POLR2F: variants seen among roughly 807,000 people sequenced by gnomAD.
POLR2F encodes RNA polymerase II, I and III subunit F.
Under a neutral mutation model 22.7 loss-of-function variants are expected in POLR2F, and 12 were observed. The ratio of observed to expected loss-of-function variants is 0.53; its 90% CI spans 0.34 to 0.86. The LOEUF (loss-of-function observed/expected upper bound fraction) is 0.86, where lower values mean the gene tolerates loss of function less well. Ranked by LOEUF, POLR2F falls within the 40% of genes least tolerant of loss-of-function variation. The probability of loss-of-function intolerance (pLI) is 0.02; values close to 1 mark genes in which losing one functional copy is unlikely to be tolerated. For missense variants in POLR2F, 126 were observed against 171.5 expected (o/e 0.73, Z 1.48); for synonymous variants, 57 against 66.0 (o/e 0.86, Z 0.66).
chr22:37,986,340 T>G lies in POLR2F; in HGVS notation c.120+28T>G. On this transcript the variant is annotated intron_variant, in intron 1 of 2. Transcript: ENST00000333418. The surrounding 1 kb of genome is among the most constrained non-coding windows in gnomAD (Gnocchi z 4.7). The stretch of plus-strand genomic sequence containing the variant: ...GGGTCCCCACTCATCCTTCCACCCC[T>G]CAGTTCCTCCTCTTTGAGGAAAGGA... The G allele has an allele frequency of 6.5e-7, 1 of 1,531,722 alleles. No homozygotes were observed. Among genetic ancestry groups the G allele is most frequent in the East Asian group, 2.4e-5 (1 of 40,832 alleles). The allele number at this position is 1,531,722 out of a possible 1,614,324, so 94.9% of individuals were successfully genotyped here.
intron 1 of POLR2F, among the ~76,000 whole-genome samples, chr22:37,992,036 A>G (rs144475863): frequency 6.6e-6 from 1 of 152,328 alleles, no homozygotes; most frequent in East Asian, 1.9e-4. Context: ...TTAAAAAAAC[A>G]TTGTTAGAGA....
intron 1 of POLR2F, among the ~76,000 whole-genome samples, chr22:37,994,900 C>T (rs184624298): frequency 3.9e-5 from 6 of 152,360 alleles, no homozygotes; most frequent in Admixed American, 3.9e-4. Flanking sequence ...CCGCCTTGGC[C>T]TCCCAAAATG....
In POLR2F at chr22:38,025,639, A is replaced by G. The variant is rs867448594; in HGVS notation, c.121-230A>G. The G allele has an allele frequency of 1.5e-5, 23 of 1,563,946 alleles. No individual in the cohort carries two copies. In the Middle Eastern group the frequency reaches 1.5e-3, roughly 105 times the overall value. Reference sequence around the variant, plus strand: ...CCTCCTACGCACTGGCCCACAGCCTAGGCTCTTTCAGCATCTCCTCCCGCT... The same window carrying G: ...CCTCCTACGCACTGGCCCACAGCCTGGGCTCTTTCAGCATCTCCTCCCGCT... On this transcript the variant is annotated intron_variant, in intron 1 of 2. Coordinates refer to the POLR2F transcript ENST00000333418.
At position 37,978,021 on chromosome 22, in the gene POLR2F, C is replaced by T; in HGVS notation, c.293+10851C>T. 3 of 1,611,578 alleles carry T rather than the reference C, an allele frequency of 1.9e-6. No homozygotes were observed. The highest frequency in any genetic ancestry group is 2.5e-6 in the Non-Finnish European group (3 of 1,179,578). ...ACTCCGCCTCGCCCTGGGCGGCCTT[C>T]CCGTTCTTCCGCCGCCTGGGCTGGT... is the stretch of plus-strand genomic sequence containing the variant. On this transcript the variant is annotated intron_variant, in intron 4 of 4. Transcript: ENST00000405557. The surrounding 1 kb of genome is among the most constrained non-coding windows in gnomAD (Gnocchi z 5.0).
intron 1 of POLR2F, among the ~76,000 whole-genome samples, chr22:38,022,946 GGTTGCA>G (rs2084973687): frequency 6.6e-6 from 1 of 152,228 alleles, no homozygotes; most frequent in African/African-American, 2.4e-5. Context: ...AGGGTGCGGA[GGTTGCA>G]GTGAGCCAAG....
downstream of POLR2F, among the ~76,000 whole-genome samples, chr22:38,028,738 C>T (rs552831598): frequency 1.2e-4 from 18 of 152,112 alleles, no homozygotes; most frequent in East Asian, 2.5e-3. Flanking sequence ...CAGCCTGTCC[C>T]GCTCCTGCAC....
chr22:37,970,466 G>A (rs187185303), downstream of POLR2F, among the ~76,000 whole-genome samples: 562 of 151,076 alleles, frequency 3.7e-3, 5 homozygotes, highest in African/African-American at 0.012. Flanking sequence ...AATTAGCTGG[G>A]CGTGGTGGTG....
chr22:38,019,229 G>A (rs1601910910), intron 1 of POLR2F, among the ~76,000 whole-genome samples: 1 of 152,134 alleles, frequency 6.6e-6, no homozygotes, highest in South Asian at 2.1e-4. Flanking sequence ...CAGAGTAGGG[G>A]TAAGATGACA....
intron 4 of POLR2F, among the ~76,000 whole-genome samples, chr22:37,979,270 G>A (rs1331943446): frequency 6.6e-6 from 1 of 151,382 alleles, no homozygotes; most frequent in East Asian, 1.9e-4. Flanking sequence ...GCTAATTTTT[G>A]TATTTTTAGT....
intron 1 of POLR2F, among the ~76,000 whole-genome samples, chr22:38,019,633 A>T (rs752721846): frequency 3.9e-5 from 6 of 152,200 alleles, no homozygotes; most frequent in Non-Finnish European, 8.8e-5. Flanking sequence ...GCACCAGGAA[A>T]ATCAGGCCGT....
upstream of POLR2F, chr22:37,983,213 G>T (rs564031765): frequency 4.0e-6 from 4 of 992,028 alleles, no homozygotes; most frequent in African/African-American, 1.6e-5. The surrounding 1 kb of genome is among the most constrained non-coding windows in gnomAD (Gnocchi z 9.5). Context: ...GGCGGGCGCG[G>T]CCCCCACACC....
intron 1 of POLR2F, among the ~76,000 whole-genome samples, chr22:38,004,342 A>T (rs1384053303): frequency 3.9e-5 from 6 of 152,166 alleles, no homozygotes; most frequent in Non-Finnish European, 8.8e-5. Flanking sequence ...GATGGGTCGT[A>T]GGGAGGGAAG....
chr22:37,958,395 C>G (rs1931491160), intron 2 of POLR2F: 1 of 151,330 alleles, frequency 6.6e-6, no homozygotes, highest in Non-Finnish European at 1.5e-5. Flanking sequence ...ACGGGGTTCA[C>G]CGTGTTAGCC....
chr22:37,967,664 A>G lies in POLR2F; in HGVS notation c.333A>G (p.Pro111=), dbSNP rs200092057. 3 of 1,613,978 alleles carry G rather than the reference A, an allele frequency of 1.9e-6. No homozygotes were observed. Among genetic ancestry groups the G allele is most frequent in the East Asian group, 2.2e-5 (1 of 44,878 alleles). The change falls in exon 5 of 5, where the codon CCA becomes CCG. Residue 111 remains proline (P), a synonymous_variant. Coordinates refer to ENST00000442738, the MANE Select transcript of POLR2F (RefSeq NM_021974.5). ...KIPIIIRRYL[P]DGSYEDWGVD... ...CCATCATCATTCGCCGTTACCTGCC[A>G]GATGGGAGCTATGAAGACTGGGGGG...
chr22:37,953,930 G>T (rs1931240192), intron 1 of POLR2F, 123 bp downstream of exon 1: 10 of 1,200,338 alleles, frequency 8.3e-6, no homozygotes, highest in Non-Finnish European at 1.1e-5. Context: ...GTCCTGAGGG[G>T]GCCGGCGGAG....
At chr22:37,972,287 G>C (rs1436225192), downstream of POLR2F, 6 of 1,286,356 alleles carry the variant, frequency 4.7e-6, no homozygotes, top group African/African-American at 9.2e-5. Context: ...TGAAGAGACA[G>C]GCCAGGTCAG....
In POLR2F at chr22:38,017,248, C is replaced by A. The variant is rs2084923427; in HGVS notation, c.121-8621C>A. ...TGGGGGTTTTGGAAATGATGACGTGCCCTTCCTAGTCCTGGGTCTGTGCGT... is the reference window on the plus strand; with the variant it reads ...TGGGGGTTTTGGAAATGATGACGTGACCTTCCTAGTCCTGGGTCTGTGCGT... On this transcript the variant is annotated intron_variant, in intron 1 of 2. Transcript: ENST00000333418. The surrounding 1 kb of genome is among the most constrained non-coding windows in gnomAD (Gnocchi z 4.1). Among the ~76,000 whole-genome samples the A allele has an allele frequency of 6.6e-6, 1 of 152,186 alleles. No homozygotes were observed. Among genetic ancestry groups the A allele is most frequent in the South Asian group, 2.1e-4 (1 of 4,830 alleles).
At chr22:37,981,465 A>AATTC (rs1932393754), upstream of POLR2F, among the ~76,000 whole-genome samples, 1 of 152,200 alleles carries the variant, frequency 6.6e-6, no homozygotes, top group African/African-American at 2.4e-5. Flanking sequence ...ACACAGCTTG[A>AATTC]GTGATGGCCA....
At chr22:37,971,584 C>T (rs1246856407), downstream of POLR2F, among the ~76,000 whole-genome samples, 2 of 152,246 alleles carry the variant, frequency 1.3e-5, no homozygotes, top group East Asian at 3.9e-4. Context: ...GACTGTCTGA[C>T]ATCCTTGGTC....
Sources: allele counts gnomAD v4.1 joint callset (sites outside exome capture counted in the v4.1 genomes callset), GRCh38; gene constraint gnomAD v4.1.1; non-coding constraint Gnocchi (gnomAD v3.1); transcripts MANE v1.5; gene names NCBI Gene and HGNC (gene_info 2026-07-23, HGNC 2026-07-21).